The following IBTK variants were observed in gnomAD, a reference collection of about 807,000 sequenced individuals.
The protein encoded by IBTK is BTK-binding protein.
In IBTK, 83 loss-of-function variants were observed where a neutral mutation model predicts 154.9. The observed-to-expected ratio is 0.54, with a 90% CI of 0.45 to 0.64. The LOEUF is 0.64. IBTK is among the 30% of genes least tolerant of loss of function. IBTK has a pLI of 0.00. For missense variants in IBTK, 1,332 were observed against 1,584.6 expected, an observed-to-expected ratio of 0.84 and a Z score of 2.71; for synonymous variants, 515 against 536.1, an observed-to-expected ratio of 0.96 and a Z score of 0.54.
At chr6:82,208,221 CAT>C (rs144717370) in intron 16 of IBTK, among the ~76,000 whole-genome samples, 2,392 of 150,530 alleles carry the variant, frequency 0.016, 64 homozygotes, top group African/African-American at 0.056. Context: ...AGATATTATA[CAT>C]ATATATATCT....
intron 23 of IBTK, among the ~76,000 whole-genome samples, chr6:82,194,015 T>G (rs532173187): frequency 1.3e-5 from 2 of 152,166 alleles, no homozygotes; most frequent in Middle Eastern, 3.4e-3. Context: ...TGAAAAAATA[T>G]ATATATAATA....
At chr6:82,209,014 C>T (rs532636976) in intron 16 of IBTK, among the ~76,000 whole-genome samples, 51 of 152,156 alleles carry the variant, frequency 3.4e-4, no homozygotes, top group African/African-American at 1.1e-3. Context: ...TAGTGAAATA[C>T]AAATCAAAAC....
intron 11 of IBTK, 42 bp downstream of exon 11, chr6:82,216,034 T>C (rs1582229382): frequency 2.1e-6 from 3 of 1,459,608 alleles, no homozygotes; most frequent in Admixed American, 2.2e-5. Flanking sequence ...AATTCAGTGA[T>C]TGTTCCTTCT....
chr6:82,240,603 GA>G lies in IBTK; in HGVS notation c.-118del. The stretch of plus-strand genomic sequence containing the variant: ...TACAGAGAATAAATTACCTTTTTAG[GA>G]TAATTTAAATCCTCCTGACAATAGT... On this transcript the variant is annotated 5_prime_UTR_variant, in exon 2 of 29. Transcript: ENST00000306270. 4 of 825,916 alleles carry G rather than the reference GA, an allele frequency of 4.8e-6. No individual in the cohort carries two copies. The highest frequency in any genetic ancestry group is 7.5e-6 in the Non-Finnish European group (4 of 530,990). The allele number at this position is 825,916 out of a possible 1,614,324, so 51.2% of individuals were successfully genotyped here. A position where few individuals can be genotyped will look rare whatever the true frequency, so the allele number is the denominator to read the frequency against.
intron 18 of IBTK, among the ~76,000 whole-genome samples, chr6:82,202,160 A>T (rs1354034423): frequency 2.6e-5 from 4 of 152,340 alleles, no homozygotes; most frequent in East Asian, 3.9e-4. Flanking sequence ...TTACTACTGA[A>T]GTAAAATATA....
Position 82,200,713 on chromosome 6 carries a change from A to G in IBTK, c.2791-5T>C. 6.6e-7 allele frequency: 1 copy of G among 1,525,116 alleles called. No homozygotes were observed. Among genetic ancestry groups the G allele is most frequent in the Non-Finnish European group, 8.8e-7 (1 of 1,136,672 alleles). 94.5% of individuals were successfully genotyped at this position (1,525,116 alleles called of 1,614,324 possible). On this transcript the variant is annotated splice_polypyrimidine_tract_variant and splice_region_variant and intron_variant, in intron 19 of 28. Transcript: ENST00000306270. ...TCTTCTATCCATTGCTGGAATCTGC[A>G]GAATTGAAGATATCACTTTTCAAAT...
chr6:82,244,698 A>T (rs964442352), intron 1 of IBTK, among the ~76,000 whole-genome samples: 1 of 152,140 alleles, frequency 6.6e-6, no homozygotes, highest in Non-Finnish European at 1.5e-5. Context: ...TGCCTATTGT[A>T]CTTCTTATCT....
chr6:82,225,489 A>C lies in IBTK; in HGVS notation c.813T>G (p.Asn271Lys). 6.2e-7 allele frequency: 1 copy of C among 1,612,974 alleles called. No individual in the cohort carries two copies. The highest frequency in any genetic ancestry group is 8.5e-7 in the Non-Finnish European group (1 of 1,179,462). Reference protein sequence around the residue: ...LGIIPPPSSCNVPRQIQAKYL... With the variant: ...LGIIPPPSSCKVPRQIQAKYL... Reference sequence around the variant, plus strand: ...GAGTAAAGCTTACCTGTCTGGGTACATTACAACTGGAAGGCGGTGGAATAA... The same window carrying C: ...GAGTAAAGCTTACCTGTCTGGGTACCTTACAACTGGAAGGCGGTGGAATAA... Residue 271 changes from asparagine to lysine, a missense_variant, in exon 6 of 29, where the codon AAT (asparagine) becomes AAG (lysine). Physicochemically the swap from Asn to Lys is moderately conservative, Grantham distance 94. Coordinates refer to ENST00000306270, the MANE Select transcript of IBTK (RefSeq NM_015525.4).
chr6:82,216,353 T>C, intron 10 of IBTK, 103 bp from the exon 11 acceptor site: 3 of 730,676 alleles, frequency 4.1e-6, no homozygotes, highest in South Asian at 2.0e-5. Context: ...AATATGGAAA[T>C]CTTTTTCACA....
chr6:82,184,214 T>C (rs1768452409), intron 25 of IBTK, among the ~76,000 whole-genome samples: 1 of 152,224 alleles, frequency 6.6e-6, no homozygotes, highest in African/African-American at 2.4e-5. Context: ...TCCAGCTATT[T>C]TCTACCTTAA....
At chr6:82,236,007 G>A (rs2127827303) in intron 2 of IBTK, among the ~76,000 whole-genome samples, 1 of 152,260 alleles carries the variant, frequency 6.6e-6, no homozygotes, top group African/African-American at 2.4e-5. Flanking sequence ...CCCCGTAGCT[G>A]GGATTACAGG....
intron 9 of IBTK, among the ~76,000 whole-genome samples, chr6:82,219,316 T>G (rs933792049): frequency 2.0e-5 from 3 of 152,178 alleles, no homozygotes; most frequent in African/African-American, 7.2e-5. Flanking sequence ...ATCATCTTCA[T>G]TCTCCATCCC....
chr6:82,200,196 T>A lies in IBTK; in HGVS notation c.2970A>T (p.Ser990=). 1 of 1,613,824 alleles carries A rather than the reference T, an allele frequency of 6.2e-7. No individual in the cohort carries two copies. Among genetic ancestry groups the A allele is most frequent in the Non-Finnish European group, 8.5e-7 (1 of 1,179,828 alleles). Residue 990 remains serine, a synonymous_variant, in exon 21 of 29, where the codon TCA becomes TCT. Transcript: ENST00000306270. The stretch of plus-strand genomic sequence containing the variant: ...AAAGGTTATAACCTCCAGAACTATC[T>A]GAACGTTTACGTGGCTTCTTTTTAG... ...TKAKKKPRKR[S]DSSGGYNLSD...
chr6:82,188,344 C>G (rs903097825), intron 25 of IBTK, among the ~76,000 whole-genome samples: 1 of 152,014 alleles, frequency 6.6e-6, no homozygotes, highest in African/African-American at 2.4e-5. Flanking sequence ...TGTTCAATAT[C>G]ATATTGGTAA....
At chr6:82,238,253 T>A (rs938539075) in intron 2 of IBTK, among the ~76,000 whole-genome samples, 1 of 147,724 alleles carries the variant, frequency 6.8e-6, no homozygotes, top group African/African-American at 2.6e-5. Flanking sequence ...CAAAAAAAAA[T>A]AATAATAAAA....
At chr6:82,223,340 T>C in intron 8 of IBTK, 100 bp downstream of exon 8, 1 of 944,278 alleles carries the variant, frequency 1.1e-6, no homozygotes, top group Middle Eastern at 3.4e-4. Flanking sequence ...TTTTTTCCAT[T>C]TGACATTTAT....
At chr6:82,178,709 C>T (rs56002667) in intron 26 of IBTK, among the ~76,000 whole-genome samples, 3,157 of 152,078 alleles carry the variant, frequency 0.021, 119 homozygotes, top group African/African-American at 0.069. Context: ...AAATATGGAA[C>T]GTACAATAAA....
chr6:82,220,735 C>T, intron 8 of IBTK, 22 bp from the exon 9 acceptor site: 2 of 1,431,542 alleles, frequency 1.4e-6, no homozygotes, highest in Non-Finnish European at 1.9e-6. Flanking sequence ...AAAAAAAAAT[C>T]CTAGATTAAT....
At chr6:82,181,812 A>G (rs1768327254) in intron 26 of IBTK, 67 bp downstream of exon 26, 3 of 1,141,488 alleles carry the variant, frequency 2.6e-6, no homozygotes, top group Non-Finnish European at 3.7e-6. Context: ...GGATTATTTC[A>G]GAACATAAAA....
Sources: allele counts gnomAD v4.1 joint callset (sites outside exome capture counted in the v4.1 genomes callset), GRCh38; gene constraint gnomAD v4.1.1; transcripts MANE v1.5; gene names NCBI Gene and HGNC (gene_info 2026-07-23, HGNC 2026-07-21).